LRP1B: variants seen among roughly 807,000 people sequenced by gnomAD.
LRP1B encodes the protein LDL receptor related protein 1B.
A neutral mutation model predicts 556.6 loss-of-function variants in LRP1B; 217 were observed. The observed-to-expected ratio is 0.39, with a 90% CI of 0.35 to 0.44. The LOEUF (loss-of-function observed/expected upper bound fraction) is 0.44, where lower values mean the gene tolerates loss of function less well. Ranked by LOEUF, LRP1B falls within the 20% of genes least tolerant of loss-of-function variation. The pLI, the probability that LRP1B is intolerant of heterozygous loss-of-function variation, is 1.00. For synonymous variants in LRP1B, 2,047 were observed against 1,865.8 expected, an observed-to-expected ratio of 1.10 and a Z score of -2.50; for missense variants, 5,053 against 5,620.8, an observed-to-expected ratio of 0.90 and a Z score of 3.23.
intron 3 of LRP1B, among the ~76,000 whole-genome samples, chr2:141,295,749 ACACACACAC>A (rs1558988063): frequency 2.3e-4 from 24 of 102,730 alleles, no homozygotes; most frequent in African/African-American, 8.2e-4. Flanking sequence ...GGAGAGAAAC[ACACACACAC>A]ACACACACAC....
At position 141,643,496 on chromosome 2, in the gene LRP1B, G is replaced by A. The variant is rs867820180; in HGVS notation, c.206-162963C>T. The stretch of plus-strand genomic sequence containing the variant: ...ATTATTAAATATTTTCAGAAATGTA[G>A]GTTTGTGGGAAAATCTGTCTCAATA... On this transcript the variant is annotated intron_variant, in intron 2 of 90. Coordinates refer to ENST00000389484, the MANE Select transcript of LRP1B (RefSeq NM_018557.3). Among the ~76,000 whole-genome samples, 97 of 152,228 alleles carry A rather than the reference G, an allele frequency of 6.4e-4. No individual in the cohort carries two copies. In the Middle Eastern group the frequency reaches 0.014, roughly 21 times the overall value.
At chr2:141,074,183 T>C (rs549504047) in intron 7 of LRP1B, among the ~76,000 whole-genome samples, 2 of 152,204 alleles carry the variant, frequency 1.3e-5, no homozygotes, top group South Asian at 4.1e-4. Flanking sequence ...ACCTTGGCTG[T>C]CTTTCTGTTC....
At chr2:140,621,200 T>C (rs1683437713) in intron 41 of LRP1B, among the ~76,000 whole-genome samples, 1 of 150,542 alleles carries the variant, frequency 6.6e-6, no homozygotes. Context: ...GCTAACACGG[T>C]GAAACCCCAT....
At chr2:141,643,627 T>G (rs1574184188) in intron 2 of LRP1B, among the ~76,000 whole-genome samples, 1 of 152,070 alleles carries the variant, frequency 6.6e-6, no homozygotes, top group East Asian at 1.9e-4. Context: ...AAGAGGAGTT[T>G]CCAGTATTTT....
chr2:141,469,690 C>A lies in LRP1B; in HGVS notation c.343+10706G>T, dbSNP rs187033574. Among the ~76,000 whole-genome samples, 200 of 152,268 alleles carry A rather than the reference C, an allele frequency of 1.3e-3. 2 individuals carry two copies. Among genetic ancestry groups the A allele is most frequent in the Non-Finnish European group, 2.3e-3 (159 of 67,996 alleles). ...ACACTGGCTGAAAATCTCTTATGAG[C>A]TTTCTCTATAGAATTTGTAAGATTT... is the stretch of plus-strand genomic sequence containing the variant. On this transcript the variant is annotated intron_variant, in intron 3 of 90. Coordinates refer to ENST00000389484, the MANE Select transcript of LRP1B (RefSeq NM_018557.3).
At chr2:140,895,153 C>T (rs1487635586) in intron 23 of LRP1B, among the ~76,000 whole-genome samples, 2 of 151,112 alleles carry the variant, frequency 1.3e-5, no homozygotes, top group South Asian at 4.2e-4. Flanking sequence ...AATCTCTTTC[C>T]TAGAAATGAT....
At chr2:141,372,191 A>T (rs1347125639) in intron 3 of LRP1B, among the ~76,000 whole-genome samples, 2 of 152,048 alleles carry the variant, frequency 1.3e-5, no homozygotes, top group Non-Finnish European at 2.9e-5. Flanking sequence ...AAATTTATTA[A>T]TTTATATATA....
At chr2:142,080,407 G>A (rs1221216972) in intron 1 of LRP1B, among the ~76,000 whole-genome samples, 1 of 152,142 alleles carries the variant, frequency 6.6e-6, no homozygotes, top group Non-Finnish European at 1.5e-5. Context: ...TGGAAACTTA[G>A]TGGAAACTGT....
intron 7 of LRP1B, among the ~76,000 whole-genome samples, chr2:141,168,480 T>A (rs540766577): frequency 6.6e-6 from 1 of 152,036 alleles, no homozygotes; most frequent in Admixed American, 6.6e-5. Context: ...TATTAAATAA[T>A]CACACTCAAT....
chr2:141,634,804 C>T (rs555364724), intron 2 of LRP1B, among the ~76,000 whole-genome samples: 21 of 151,966 alleles, frequency 1.4e-4, no homozygotes, highest in Admixed American at 8.5e-4. Flanking sequence ...ATTTCAGCTA[C>T]GAGAGTTATC....
At chr2:140,283,441 C>A (rs948064297) in intron 84 of LRP1B, among the ~76,000 whole-genome samples, 4 of 151,652 alleles carry the variant, frequency 2.6e-5, no homozygotes, top group Non-Finnish European at 5.9e-5. Flanking sequence ...AAATTTTCAT[C>A]ATGAAAGCAT....
intron 3 of LRP1B, among the ~76,000 whole-genome samples, chr2:141,440,246 G>A (rs578184756): frequency 2.0e-5 from 3 of 152,300 alleles, no homozygotes; most frequent in African/African-American, 7.2e-5. Flanking sequence ...CCTGCTCCAG[G>A]GACTTAAACG....
At chr2:140,980,726 C>T (rs1368311939) in intron 18 of LRP1B, among the ~76,000 whole-genome samples, 1 of 152,176 alleles carries the variant, frequency 6.6e-6, no homozygotes, top group Admixed American at 6.6e-5. Flanking sequence ...TTTGATCCAG[C>T]AATCCCAGTA....
At chr2:141,059,247 A>G (rs1699272258) in intron 8 of LRP1B, among the ~76,000 whole-genome samples, 193 bp from the exon 9 acceptor site, 1 of 151,790 alleles carries the variant, frequency 6.6e-6, no homozygotes, top group Non-Finnish European at 1.5e-5. Context: ...AACATTATGC[A>G]GTAGTGTTTA....
At chr2:141,652,617 T>C (rs1245041719) in intron 2 of LRP1B, among the ~76,000 whole-genome samples, 1 of 152,188 alleles carries the variant, frequency 6.6e-6, no homozygotes, top group Non-Finnish European at 1.5e-5. Context: ...CTATCTGTCA[T>C]TCTGATTCAT....
At chr2:141,265,594 A>G (rs1468843662) in intron 3 of LRP1B, among the ~76,000 whole-genome samples, 1 of 152,220 alleles carries the variant, frequency 6.6e-6, no homozygotes, top group Non-Finnish European at 1.5e-5. Flanking sequence ...GCAATGTGCT[A>G]AGGAACTCTT....
chr2:141,399,682 C>T (rs145859280), intron 3 of LRP1B, among the ~76,000 whole-genome samples: 5 of 152,140 alleles, frequency 3.3e-5, no homozygotes, highest in East Asian at 3.9e-4. Context: ...TGCTTAAAGA[C>T]GTTCTCATTG....
chr2:141,988,792 C>A (rs796988561), intron 1 of LRP1B, among the ~76,000 whole-genome samples: 23 of 152,080 alleles, frequency 1.5e-4, no homozygotes, highest in African/African-American at 5.5e-4. Context: ...ATAAAATAAT[C>A]TCTTAAAATA....
chr2:141,624,519 T>C (rs1178693466), intron 2 of LRP1B, among the ~76,000 whole-genome samples: 1 of 152,114 alleles, frequency 6.6e-6, no homozygotes, highest in Admixed American at 6.5e-5. Flanking sequence ...GAAAAAAGAA[T>C]ATTAAAAATA....
Sources: gnomAD v4.1 joint callset for allele counts (sites outside exome capture counted in the v4.1 genomes callset) on GRCh38, gnomAD v4.1.1 for gene constraint, MANE v1.5 for transcripts, NCBI Gene and HGNC (gene_info 2026-07-23, HGNC 2026-07-21) for gene names.